Variants in MSH3 observed in about 807,000 individuals in gnomAD.
MSH3 encodes the protein DNA mismatch repair protein Msh3.
Under a neutral mutation model 123.3 loss-of-function variants are expected in MSH3, and 106 were observed. The observed-to-expected ratio is 0.86, with a 90% CI of 0.73 to 1.01. MSH3 has a LOEUF of 1.01. Among genes scored for constraint, MSH3 ranks in the 50% least tolerant of loss-of-function variants. MSH3 has a pLI of 0.00. For missense variants in MSH3, 1,459 were observed against 1,347.6 expected, an observed-to-expected ratio of 1.08 and a Z score of -1.29; for synonymous variants, 515 against 481.4, an observed-to-expected ratio of 1.07 and a Z score of -0.91.
intron 3 of MSH3, among the ~76,000 whole-genome samples, chr5:80,665,675 T>A (rs1166820471): frequency 1.3e-5 from 2 of 152,212 alleles, no homozygotes; most frequent in Non-Finnish European, 2.9e-5. Flanking sequence ...AAGCACAGTT[T>A]CTTACAGTCT....
At chr5:80,825,303 G>A (rs946805635) in intron 20 of MSH3, among the ~76,000 whole-genome samples, 7 of 151,952 alleles carry the variant, frequency 4.6e-5, no homozygotes, top group African/African-American at 1.5e-4. Context: ...GATGTTTTTT[G>A]AAACAATGCA....
chr5:80,819,903 A>G (rs1745174875), intron 20 of MSH3, among the ~76,000 whole-genome samples: 1 of 152,222 alleles, frequency 6.6e-6, no homozygotes, highest in African/African-American at 2.4e-5. Flanking sequence ...GTGTCCCTGC[A>G]TATTCTTACT....
At chr5:80,790,613 G>C (rs1171546590) in intron 18 of MSH3, among the ~76,000 whole-genome samples, 1 of 152,140 alleles carries the variant, frequency 6.6e-6, no homozygotes, top group Non-Finnish European at 1.5e-5. Context: ...AGTGAGGGGA[G>C]AAATCACTAT....
At chr5:80,732,841 A>G (rs1470644938) in intron 10 of MSH3, among the ~76,000 whole-genome samples, 1 of 152,182 alleles carries the variant, frequency 6.6e-6, no homozygotes, top group Non-Finnish European at 1.5e-5. Flanking sequence ...ATGATAAAAA[A>G]CGCTCAAAAA....
At chr5:80,659,090 CG>C (rs1561431920) in intron 2 of MSH3, among the ~76,000 whole-genome samples, 1 of 151,996 alleles carries the variant, frequency 6.6e-6, no homozygotes, top group Non-Finnish European at 1.5e-5. Context: ...AAAAATTAGC[CG>C]GATGTGGTGG....
At chr5:80,690,993 TA>T (rs889815882) in intron 8 of MSH3, among the ~76,000 whole-genome samples, 1 of 151,998 alleles carries the variant, frequency 6.6e-6, no homozygotes, top group Non-Finnish European at 1.5e-5. Flanking sequence ...TGAAAATAAT[TA>T]AACTCATAAT....
intron 2 of MSH3, among the ~76,000 whole-genome samples, chr5:80,659,233 C>CA (rs34613891): frequency 0.13 from 17,840 of 135,562 alleles, 1,103 homozygotes; most frequent in East Asian, 0.29. Context: ...GATTCTGTCT[C>CA]AAAAAAAAAA....
intron 13 of MSH3, among the ~76,000 whole-genome samples, chr5:80,765,403 G>A (rs1298831900): frequency 6.6e-6 from 1 of 152,140 alleles, no homozygotes; most frequent in East Asian, 1.9e-4. Context: ...TGGGGAGGGG[G>A]TCTTTCTGGA....
intron 21 of MSH3, among the ~76,000 whole-genome samples, chr5:80,859,806 G>A (rs754277790): frequency 6.0e-5 from 9 of 149,904 alleles, no homozygotes; most frequent in South Asian, 2.1e-4. Flanking sequence ...TCAAACTCCC[G>A]GGCTGAAGTG....
chr5:80,808,904 A>C (rs1469231300), intron 19 of MSH3, among the ~76,000 whole-genome samples: 3 of 73,884 alleles, frequency 4.1e-5, no homozygotes, highest in Non-Finnish European at 9.6e-5. Context: ...ATTCGAAGAG[A>C]GCAATATTTC....
intron 13 of MSH3, among the ~76,000 whole-genome samples, chr5:80,764,516 ATT>A (rs575667262): frequency 1.1e-4 from 14 of 128,746 alleles, no homozygotes; most frequent in Non-Finnish European, 1.7e-4. Flanking sequence ...ATGCCCAGCT[ATT>A]TTTTTTTTTT....
chr5:80,672,403 C>G (rs1455374677), intron 5 of MSH3, 43 bp downstream of exon 5: 2 of 1,425,836 alleles, frequency 1.4e-6, no homozygotes. Context: ...AATTGGGATT[C>G]TCCTCCAGAG....
chr5:80,784,412 T>G (rs1744468190), intron 17 of MSH3, among the ~76,000 whole-genome samples: 1 of 151,860 alleles, frequency 6.6e-6, no homozygotes, highest in South Asian at 2.1e-4. Context: ...TTTGTTTTAT[T>G]TTATTAAATG....
intron 15 of MSH3, among the ~76,000 whole-genome samples, chr5:80,771,935 A>G (rs1348713057): frequency 6.6e-6 from 1 of 152,204 alleles, no homozygotes; most frequent in East Asian, 1.9e-4. Context: ...TTTATGTAAT[A>G]ATGTACATAC....
intron 8 of MSH3, among the ~76,000 whole-genome samples, chr5:80,697,259 T>C (rs1337467707): frequency 2.0e-5 from 3 of 152,188 alleles, no homozygotes; most frequent in Non-Finnish European, 4.4e-5. Context: ...GAGTCTTATG[T>C]TGACAGAGGA....
At chr5:80,784,240 G>GAAAAAAAAAAAAAAAAAAAAAAAA in intron 17 of MSH3, among the ~76,000 whole-genome samples, 1 of 70,642 alleles carries the variant, frequency 1.4e-5, no homozygotes, top group Non-Finnish European at 2.6e-5. Context: ...AAAAAAAAAA[G>GAAAAAAAAAAAAAAAAAAAAAAAA]GGAAATAAAT....
intron 19 of MSH3, among the ~76,000 whole-genome samples, chr5:80,796,095 G>A (rs1441643575): frequency 6.6e-6 from 1 of 151,618 alleles, no homozygotes; most frequent in Non-Finnish European, 1.5e-5. Flanking sequence ...TATAAACTAA[G>A]CAACTAAATA....
intron 8 of MSH3, among the ~76,000 whole-genome samples, chr5:80,693,597 A>G: frequency 9.3e-6 from 1 of 107,066 alleles, no homozygotes; most frequent in African/African-American, 3.7e-5. Context: ...AAATATATAT[A>G]AACATACATA....
chr5:80,835,514 G>A (rs900005352), intron 20 of MSH3, among the ~76,000 whole-genome samples: 1 of 152,104 alleles, frequency 6.6e-6, no homozygotes, highest in African/African-American at 2.4e-5. Context: ...TACTTCATTA[G>A]CACAGGTTTG....
Sources: gnomAD v4.1 joint callset for allele counts (sites outside exome capture counted in the v4.1 genomes callset) on GRCh38, gnomAD v4.1.1 for gene constraint, MANE v1.5 for transcripts, NCBI Gene and HGNC (gene_info 2026-07-23, HGNC 2026-07-21) for gene names.